BPTF: variants seen among roughly 807,000 people sequenced by gnomAD.
BPTF encodes the protein bromodomain PHD finger transcription factor.
Under a neutral mutation model 292.5 loss-of-function variants are expected in BPTF, and 18 were observed. That is an observed-to-expected ratio of 0.06 (90% CI 0.04 to 0.09). The LOEUF is 0.09. Ranked by LOEUF, BPTF falls within the 10% of genes least tolerant of loss-of-function variation. The pLI, the probability that BPTF is intolerant of heterozygous loss-of-function variation, is 1.00. For missense variants in BPTF, 2,726 were observed against 3,498.7 expected (o/e 0.78, Z 5.57); for synonymous variants, 1,225 against 1,251.9 (o/e 0.98, Z 0.45).
At chr17:67,922,751 G>A in intron 13 of BPTF, 89 bp from the exon 14 acceptor site, 1 of 1,430,030 alleles carries the variant, frequency 7.0e-7, no homozygotes, top group Non-Finnish European at 9.3e-7. Context: ...TAAGAAGTTT[G>A]CCAACCACTT....
intron 1 of BPTF, among the ~76,000 whole-genome samples, chr17:67,844,681 G>T (rs901632731): frequency 6.6e-6 from 1 of 152,008 alleles, no homozygotes; most frequent in Admixed American, 6.6e-5. Flanking sequence ...GATTGCAGGG[G>T]TGAACCACTG....
chr17:67,886,581 C>T (rs1028408758), intron 4 of BPTF, among the ~76,000 whole-genome samples: 5 of 151,920 alleles, frequency 3.3e-5, no homozygotes, highest in African/African-American at 9.7e-5. Context: ...TTTCATACTC[C>T]CCTCCCCAAA....
At chr17:67,864,654 T>C (rs1203856338) in intron 2 of BPTF, among the ~76,000 whole-genome samples, 1 of 152,136 alleles carries the variant, frequency 6.6e-6, no homozygotes, top group Non-Finnish European at 1.5e-5. Flanking sequence ...TTTAATGAAT[T>C]TTTCTTTCTG....
At chr17:67,846,118 C>T (rs1260088540) in intron 1 of BPTF, among the ~76,000 whole-genome samples, 1 of 152,098 alleles carries the variant, frequency 6.6e-6, no homozygotes, top group Non-Finnish European at 1.5e-5. Flanking sequence ...TGGCAATCTT[C>T]TGTAAATAAA....
chr17:67,944,234 G>C lies in BPTF; in HGVS notation c.6562G>C (p.Val2188Leu), dbSNP rs1158836641. 1.2e-6 allele frequency: 2 copies of C among 1,614,036 alleles called. No homozygotes were observed. Among genetic ancestry groups the C allele is most frequent in the East Asian group, 2.2e-5 (1 of 44,888 alleles). The part of the protein sequence containing the change: ...QLQLIPQGVT[V>L]LPGPGQQLMQ... The stretch of plus-strand genomic sequence containing the variant: ...GCAGTTGATACCTCAAGGGGTGACT[G>C]TACTCCCAGGCCCAGGCCAGCAGCT... The change falls in exon 20 of 28, where the codon GTA becomes CTA. Residue 2188 changes from valine (V) to leucine (L), a missense_variant. Val to Leu is a conservative substitution (Grantham distance 32). Around this residue, in one of 22 missense-constraint regions of BPTF, gnomAD observed 570 missense variants for 633.5 expected, o/e 0.90. Coordinates refer to ENST00000306378, the MANE Select transcript of BPTF (RefSeq NM_182641.4).
intron 1 of BPTF, 77 bp from the exon 2 acceptor site, chr17:67,853,863 G>A (rs1197164196): frequency 1.9e-6 from 2 of 1,050,364 alleles, no homozygotes; most frequent in Non-Finnish European, 2.8e-6. Flanking sequence ...ATTTTAGGGG[G>A]GTATATGTTC....
In BPTF at chr17:67,984,071, T is replaced by C. The variant is rs1222782017; in HGVS notation, c.*1783T>C. On this transcript the variant is annotated 3_prime_UTR_variant, in exon 28 of 28. Transcript: ENST00000306378. ...GGAAGTAGTTAAATATGGGTTATTTTGTCCTTTTACTTTTTTAAAAAATGT... is the reference window on the plus strand; with the variant it reads ...GGAAGTAGTTAAATATGGGTTATTTCGTCCTTTTACTTTTTTAAAAAATGT... The C allele has an allele frequency of 6.6e-6, 1 of 152,658 alleles. No homozygotes were observed. The highest frequency in any genetic ancestry group is 1.5e-5 in the Non-Finnish European group (1 of 68,040). 9.5% of individuals were successfully genotyped at this position (152,658 alleles called of 1,614,324 possible).
intron 24 of BPTF, 38 bp downstream of exon 24, chr17:67,959,913 A>C (rs367605541): frequency 5.7e-6 from 8 of 1,401,870 alleles, no homozygotes; most frequent in Non-Finnish European, 7.7e-6. Flanking sequence ...TTTTGTCTTG[A>C]AAGTTTAGCT....
chr17:67,974,911 C>G (rs1300818529), intron 26 of BPTF: 1 of 152,164 alleles, frequency 6.6e-6, no homozygotes, highest in Non-Finnish European at 1.5e-5. Context: ...CATTGGTGAT[C>G]AGCTTAACCT....
chr17:67,849,402 A>T (rs1438919307), intron 1 of BPTF, among the ~76,000 whole-genome samples: 1 of 152,234 alleles, frequency 6.6e-6, no homozygotes, highest in Non-Finnish European at 1.5e-5. Flanking sequence ...ATTTCTCTCA[A>T]ACATGATAAT....
chr17:67,983,236 A>C lies in BPTF; in HGVS notation c.*948A>C, dbSNP rs2070605737. 6.6e-6 allele frequency: 1 copy of C among 152,648 alleles called. No individual in the cohort carries two copies. Among genetic ancestry groups the C allele is most frequent in the Non-Finnish European group, 1.5e-5 (1 of 68,040 alleles). The allele number at this position is 152,648 out of a possible 1,614,324, so 9.5% of individuals were successfully genotyped here. On this transcript the variant is annotated 3_prime_UTR_variant, in exon 28 of 28. Coordinates refer to ENST00000306378, the MANE Select transcript of BPTF (RefSeq NM_182641.4). ...AGGCCTGCAAGGTCATGAAAGGCAG[A>C]AGAGTCTAATTGTGCCTGGATTTCT...
At chr17:67,927,368 A>T (rs1290913685) in intron 15 of BPTF, among the ~76,000 whole-genome samples, 2 of 152,236 alleles carry the variant, frequency 1.3e-5, no homozygotes, top group Non-Finnish European at 2.9e-5. Context: ...GCAATCTATA[A>T]TAAAAGATAT....
chr17:67,843,094 A>T (rs8073510), intron 1 of BPTF, among the ~76,000 whole-genome samples: 1 of 150,424 alleles, frequency 6.6e-6, no homozygotes, highest in South Asian at 2.1e-4. Context: ...GTAGATACAT[A>T]TATCTATATA....
chr17:67,832,073 A>G (rs2056739066), intron 1 of BPTF, among the ~76,000 whole-genome samples: 1 of 152,004 alleles, frequency 6.6e-6, no homozygotes, highest in African/African-American at 2.4e-5. Flanking sequence ...TATTTTTAGT[A>G]GAGACAGGGT....
Position 67,950,628 on chromosome 17 carries a change from A to G in BPTF, c.7926+2322A>G, listed in dbSNP as rs573310294. Among the ~76,000 whole-genome samples, 5 of 152,060 alleles carry G rather than the reference A, an allele frequency of 3.3e-5. 1 individual carries two copies. Among genetic ancestry groups the G allele is most frequent in the African/African-American group, 9.6e-5 (4 of 41,518 alleles). ...TGAGGCGAGCGGATCATTTGAGGTC[A>G]GGAGTTCGAGACCATCCTGATCAAG... On this transcript the variant is annotated intron_variant, in intron 23 of 27. Coordinates refer to ENST00000306378, the MANE Select transcript of BPTF (RefSeq NM_182641.4).
chr17:67,851,014 A>G (rs1156266871), intron 1 of BPTF, among the ~76,000 whole-genome samples: 1 of 152,170 alleles, frequency 6.6e-6, no homozygotes, highest in Non-Finnish European at 1.5e-5. Flanking sequence ...TGGAAAGAGG[A>G]GAAGGGAAAA....
chr17:67,871,427 T>TGA (rs954449120), intron 3 of BPTF, among the ~76,000 whole-genome samples: 1 of 122,188 alleles, frequency 8.2e-6, no homozygotes, highest in African/African-American at 3.4e-5. Flanking sequence ...GGCAACAGAG[T>TGA]GAGACTTTGT....
rs768565860 is a variant in BPTF at position 67,874,855 on chromosome 17, A to G, written c.1699A>G (p.Ile567Val). ...ATCCATAAGAGCCAAAAAGGGAGAC[A>G]TTGATAATGTTAAAAGCCCAGAAGA... is the stretch of plus-strand genomic sequence containing the variant. Reference protein sequence around the residue: ...LESIRAKKGDIDNVKSPEETE... With the variant: ...LESIRAKKGDVDNVKSPEETE... Residue 567 changes from isoleucine (I) to valine (V), a missense_variant, in exon 4 of 28, where the codon ATT (isoleucine) becomes GTT (valine). Ile to Val is a conservative substitution (Grantham distance 29). Coordinates refer to ENST00000306378, the MANE Select transcript of BPTF (RefSeq NM_182641.4). The G allele has an allele frequency of 6.2e-7, 1 of 1,613,458 alleles. No individual in the cohort carries two copies. The highest frequency in any genetic ancestry group is 8.5e-7 in the Non-Finnish European group (1 of 1,179,858).
In BPTF at chr17:67,921,445, A is replaced by G. The variant is rs2063434354; in HGVS notation, c.5557+1302A>G. On this transcript the variant is annotated intron_variant, in intron 13 of 27. Coordinates refer to ENST00000306378, the MANE Select transcript of BPTF (RefSeq NM_182641.4). ...GGAGGGTGAGGCGGGAGAATCACTT[A>G]TACCCAGGGGGCAGAAGTTGCAGTG... 2.6e-5 allele frequency among the ~76,000 whole-genome samples: 4 copies of G among 151,906 alleles called. No individual in the cohort carries two copies. The South Asian group carries it at 8.3e-4, about 32-fold the overall frequency.
Sources: allele counts gnomAD v4.1 joint callset (sites outside exome capture counted in the v4.1 genomes callset), GRCh38; gene constraint gnomAD v4.1.1; regional missense constraint gnomAD v4.1.1; transcripts MANE v1.5; gene names NCBI Gene and HGNC (gene_info 2026-07-23, HGNC 2026-07-21).